MAP1B: variants seen among roughly 807,000 people sequenced by gnomAD.
MAP1B encodes the protein microtubule associated protein 1B.
MAP1B carries 12 observed loss-of-function variants against 176.1 expected under a neutral mutation model. The observed-to-expected ratio is 0.07, with a 90% CI of 0.04 to 0.11. The LOEUF (loss-of-function observed/expected upper bound fraction) is 0.11, where lower values mean the gene tolerates loss of function less well. Ranked by LOEUF, MAP1B falls within the 10% of genes least tolerant of loss-of-function variation. The pLI, the probability that MAP1B is intolerant of heterozygous loss-of-function variation, is 1.00. For missense variants in MAP1B, 2,523 were observed against 2,990.5 expected, an observed-to-expected ratio of 0.84 and a Z score of 3.65; for synonymous variants, 1,044 against 1,135.0, an observed-to-expected ratio of 0.92 and a Z score of 1.61.
intron 2 of MAP1B, among the ~76,000 whole-genome samples, chr5:72,141,191 CTTCT>C (rs562611678): frequency 6.6e-6 from 1 of 152,278 alleles, no homozygotes. Flanking sequence ...TGCCCTCCAG[CTTCT>C]TTCTTTCTTT....
Position 72,194,449 on chromosome 5 carries a change from T to G in MAP1B, c.1094T>G (p.Leu365Arg). 1 of 1,613,904 alleles carries G rather than the reference T, an allele frequency of 6.2e-7. No individual in the cohort carries two copies. Among genetic ancestry groups the G allele is most frequent in the Non-Finnish European group, 8.5e-7 (1 of 1,180,000 alleles). ...GVVFLNVPEN[L>R]KNPEPNIKMK... ...GTATTTCTCAATGTACCTGAAAATCTCAAAAATCCAGAGCCAAACATCAAG... is the reference window on the plus strand; with the variant it reads ...GTATTTCTCAATGTACCTGAAAATCGCAAAAATCCAGAGCCAAACATCAAG... Residue 365 changes from leucine (L) to arginine (R), a missense_variant, in exon 5 of 7, where the codon CTC (leucine) becomes CGC (arginine). This residue lies in a region of MAP1B where 1,925 missense variants were observed against 2,126.0 expected (regional missense o/e 0.91). Transcript: ENST00000296755. The surrounding 1 kb of genome is among the most constrained non-coding windows in gnomAD (Gnocchi z 7.2).
intron 2 of MAP1B, among the ~76,000 whole-genome samples, chr5:72,146,219 A>T (rs1285907556): frequency 6.6e-6 from 1 of 152,214 alleles, no homozygotes; most frequent in East Asian, 1.9e-4. Context: ...AAAAATCTGA[A>T]CAATGCCCCA....
chr5:72,140,975 T>A (rs1162032984), intron 2 of MAP1B, among the ~76,000 whole-genome samples: 1 of 152,184 alleles, frequency 6.6e-6, no homozygotes, highest in African/African-American at 2.4e-5. Flanking sequence ...ACCATTCTCC[T>A]CTTCTACAGC....
rs538154790 is a variant in MAP1B, at chr5:72,111,128, A to G, written c.184+3413A>G. ...TTTTTCTCCTCCCTAATTAGCCCCC[A>G]GCATGGATTTAGCTAGTGGTTCTCA... On this transcript the variant is annotated intron_variant, in intron 1 of 6. Coordinates refer to ENST00000296755, the MANE Select transcript of MAP1B (RefSeq NM_005909.5). Among the ~76,000 whole-genome samples, 9 of 152,274 alleles carry G rather than the reference A, an allele frequency of 5.9e-5. 2 individuals carry two copies. Among genetic ancestry groups the G allele is most frequent in the African/African-American group, 2.2e-4 (9 of 41,550 alleles).
intron 2 of MAP1B, among the ~76,000 whole-genome samples, chr5:72,126,246 T>C (rs1040409722): frequency 4.6e-5 from 7 of 152,166 alleles, no homozygotes; most frequent in African/African-American, 1.7e-4. Context: ...TTGTTGCCCA[T>C]GGTGCTCCCT....
intron 2 of MAP1B, among the ~76,000 whole-genome samples, chr5:72,142,465 G>A (rs1490883887): frequency 6.6e-6 from 1 of 152,158 alleles, no homozygotes; most frequent in Non-Finnish European, 1.5e-5. Context: ...GGAAAGAGAT[G>A]GGGAAACTGT....
At chr5:72,183,635 T>A in intron 2 of MAP1B, 108 bp from the exon 3 acceptor site, 1 of 750,026 alleles carries the variant, frequency 1.3e-6, no homozygotes, top group Admixed American at 2.0e-5. Context: ...CAGTGCTGTG[T>A]ACCACGTCGG....
chr5:72,150,970 G>A (rs1746129329), intron 2 of MAP1B, among the ~76,000 whole-genome samples: 1 of 152,144 alleles, frequency 6.6e-6, no homozygotes, highest in South Asian at 2.1e-4. Context: ...CAAAGCTTTG[G>A]ATAAATGGGG....
At chr5:72,135,584 G>C (rs1745824239) in intron 2 of MAP1B, among the ~76,000 whole-genome samples, 8 of 152,104 alleles carry the variant, frequency 5.3e-5, no homozygotes, top group Admixed American at 5.2e-4. Flanking sequence ...AGCACTGGAA[G>C]AAAAAGAGTC....
intron 2 of MAP1B, among the ~76,000 whole-genome samples, chr5:72,125,990 A>G (rs1158591924): frequency 6.6e-6 from 1 of 152,234 alleles, no homozygotes; most frequent in Non-Finnish European, 1.5e-5. Context: ...GTCCATTGGC[A>G]GACTCTGAAG....
At chr5:72,151,879 C>T (rs1348883442) in intron 2 of MAP1B, among the ~76,000 whole-genome samples, 1 of 152,186 alleles carries the variant, frequency 6.6e-6, no homozygotes, top group East Asian at 1.9e-4. Context: ...TTTTTCTAAA[C>T]ACATTTTTAT....
intron 2 of MAP1B, chr5:72,116,443 A>C (rs1340419343): frequency 4.8e-6 from 2 of 420,724 alleles, no homozygotes; most frequent in Non-Finnish European, 9.2e-6. Flanking sequence ...AATATCAAAG[A>C]ATAATTAAAG....
intron 2 of MAP1B, among the ~76,000 whole-genome samples, chr5:72,121,236 C>CT (rs1326595406): frequency 1.3e-5 from 2 of 152,252 alleles, no homozygotes; most frequent in African/African-American, 2.4e-5. Flanking sequence ...TCACTCCCTC[C>CT]ACGCCGTTCT....
intron 2 of MAP1B, among the ~76,000 whole-genome samples, chr5:72,131,932 T>C (rs1232641356): frequency 6.6e-6 from 1 of 152,230 alleles, no homozygotes; most frequent in Non-Finnish European, 1.5e-5. Flanking sequence ...ACTTTTTGGT[T>C]GAAATGTCCA....
chr5:72,166,822 C>T (rs570457554), intron 2 of MAP1B, among the ~76,000 whole-genome samples: 1 of 152,246 alleles, frequency 6.6e-6, no homozygotes, highest in African/African-American at 2.4e-5. Context: ...CTGACTGGCG[C>T]GCAGTGCTGG....
chr5:72,163,376 AAGGG>A (rs1285679826), intron 2 of MAP1B, among the ~76,000 whole-genome samples: 2 of 152,112 alleles, frequency 1.3e-5, no homozygotes, highest in Non-Finnish European at 2.9e-5. Flanking sequence ...TTTCCAAAAG[AAGGG>A]AGGATGTGTG....
In MAP1B at chr5:72,200,332, C is replaced by T. The variant is rs145292264; in HGVS notation, c.6977C>T (p.Ala2326Val). 4.6e-5 allele frequency: 74 copies of T among 1,613,974 alleles called. No individual in the cohort carries two copies. The African/African-American group carries it at 8.7e-4, about 19-fold the overall frequency. Residue 2326 changes from alanine to valine, a missense_variant, in exon 5 of 7, where the codon GCC (alanine) becomes GTC (valine). Around this residue, in one of 4 missense-constraint regions of MAP1B, gnomAD observed 287 missense variants for 401.5 expected, o/e 0.71. Coordinates refer to ENST00000296755, the MANE Select transcript of MAP1B (RefSeq NM_005909.5). The part of the protein sequence containing the change: ...KDKETKNAAN[A>V]SASKSAKTAT... ...AAGGAGACCAAGAATGCTGCCAATGCCTCTGCATCCAAGTCGGCCAAGACC... is the reference window on the plus strand; with the variant it reads ...AAGGAGACCAAGAATGCTGCCAATGTCTCTGCATCCAAGTCGGCCAAGACC...
Position 72,199,361 on chromosome 5 carries a change from G to A in MAP1B, c.6006G>A (p.Gly2002=), listed in dbSNP as rs768880011. Residue 2002 remains glycine, a synonymous_variant, in exon 5 of 7, where the codon GGG becomes GGA. Transcript: ENST00000296755. The surrounding 1 kb of genome is among the most constrained non-coding windows in gnomAD (Gnocchi z 4.2). ...DDSEDGGHTL[G]DPSYSYETTE... ...CTGAGGATGGTGGCCACACACTTGG[G>A]GACCCCAGCTACTCTTATGAAACCA... is the stretch of plus-strand genomic sequence containing the variant. 6.2e-7 allele frequency: 1 copy of A among 1,613,996 alleles called. No individual in the cohort carries two copies. Among genetic ancestry groups the A allele is most frequent in the South Asian group, 1.1e-5 (1 of 91,076 alleles).
intron 2 of MAP1B, among the ~76,000 whole-genome samples, chr5:72,150,359 C>T (rs1172642061): frequency 6.6e-6 from 1 of 152,230 alleles, no homozygotes; most frequent in Admixed American, 6.5e-5. Context: ...ATATTTTAAG[C>T]ATCACCGACT....
Sources: gnomAD v4.1 joint callset for allele counts (sites outside exome capture counted in the v4.1 genomes callset) on GRCh38, gnomAD v4.1.1 for gene constraint, gnomAD v4.1.1 regional missense constraint, Gnocchi (gnomAD v3.1) non-coding constraint, MANE v1.5 for transcripts, NCBI Gene and HGNC (gene_info 2026-07-23, HGNC 2026-07-21) for gene names.